The following UGT1A6 variants were observed in gnomAD, a reference collection of about 807,000 sequenced individuals.
The protein encoded by UGT1A6 is UDP-glucuronosyltransferase 1A6.
In UGT1A6, 32 loss-of-function variants were observed where a neutral mutation model predicts 44.4. The observed-to-expected ratio is 0.72, with a 90% confidence interval of 0.54 to 0.97. The LOEUF (loss-of-function observed/expected upper bound fraction) is 0.97, where lower values mean the gene tolerates loss of function less well. UGT1A6 is among the 50% of genes least tolerant of loss of function. The pLI is 0.00. For synonymous variants in UGT1A6, 238 were observed against 248.5 expected (o/e 0.96, Z 0.40); for missense variants, 685 against 661.9 (o/e 1.03, Z -0.38).
intron 4 of UGT1A6, chr2:233,770,359 G>A (rs1272591854): frequency 6.6e-6 from 1 of 152,118 alleles, no homozygotes; most frequent in Non-Finnish European, 1.5e-5. Context: ...TTGAATGAAT[G>A]AATGAAAGTT....
chr2:233,762,447 C>T (rs867092179), intron 1 of UGT1A6, among the ~76,000 whole-genome samples: 2 of 152,128 alleles, frequency 1.3e-5, no homozygotes, highest in Non-Finnish European at 2.9e-5. Context: ...TTCCCACTGC[C>T]CACTTACCGA....
chr2:233,697,866 T>G (rs2075414431), intron 1 of UGT1A6, among the ~76,000 whole-genome samples: 1 of 152,208 alleles, frequency 6.6e-6, no homozygotes, highest in Admixed American at 6.5e-5. Flanking sequence ...ATGCATTTAT[T>G]TAATGATTTC....
chr2:233,699,808 C>A (rs2075525104), intron 1 of UGT1A6, among the ~76,000 whole-genome samples: 1 of 152,210 alleles, frequency 6.6e-6, no homozygotes, highest in Admixed American at 6.5e-5. Flanking sequence ...CTGGAGTCAT[C>A]TAAATAGTAG....
chr2:233,730,673 A>G (rs1217219739), intron 1 of UGT1A6, among the ~76,000 whole-genome samples: 2 of 152,106 alleles, frequency 1.3e-5, no homozygotes, highest in South Asian at 2.1e-4. Flanking sequence ...AGGCAAAGTA[A>G]TGGTTGCATC....
intron 1 of UGT1A6, among the ~76,000 whole-genome samples, chr2:233,694,117 G>A (rs972121995): frequency 2.6e-5 from 4 of 152,152 alleles, no homozygotes; most frequent in African/African-American, 9.7e-5. Flanking sequence ...ATCTGGGACA[G>A]TCACATACTC....
chr2:233,761,152 G>A lies in UGT1A6; in HGVS notation c.862-5882G>A, dbSNP rs587776764. On this transcript the variant is annotated intron_variant, in intron 1 of 4. Transcript: ENST00000305139. Reference sequence around the variant, plus strand: ...CCTTCACCAAAATCCACTATCCCAGGTGTGTATTGGAGTGGGACTTTTACA... The same window carrying A: ...CCTTCACCAAAATCCACTATCCCAGATGTGTATTGGAGTGGGACTTTTACA... The A allele has an allele frequency of 1.2e-6, 2 of 1,614,084 alleles. No individual in the cohort carries two copies. Among genetic ancestry groups the A allele is most frequent in the South Asian group, 2.2e-5 (2 of 91,086 alleles).
At chr2:233,766,942 T>C (rs957269469) in intron 1 of UGT1A6, 92 bp from the exon 2 acceptor site, 13 of 1,596,398 alleles carry the variant, frequency 8.1e-6, no homozygotes, top group Non-Finnish European at 1.0e-5. Flanking sequence ...AATCATAGTC[T>C]TAAGAGGAAG....
At chr2:233,746,837 G>A (rs1378280242) in intron 1 of UGT1A6, among the ~76,000 whole-genome samples, 1 of 151,758 alleles carries the variant, frequency 6.6e-6, no homozygotes, top group African/African-American at 2.4e-5. Context: ...CACTGTTGGG[G>A]ACCTCTCAGA....
intron 1 of UGT1A6, among the ~76,000 whole-genome samples, chr2:233,733,067 T>A (rs1039618890): frequency 3.2e-4 from 48 of 152,298 alleles, no homozygotes; most frequent in Non-Finnish European, 4.6e-4. Flanking sequence ...ATTCTCTTTG[T>A]AGCAATTGTG....
At position 233,747,349 on chromosome 2, in the gene UGT1A6, A is replaced by C. The variant is rs546536456; in HGVS notation, c.862-19685A>C. ...TGGCAGCCACTGGCTCGCATGCGGG[A>C]GGCCGTGCGGGAGCTCCATGCCAGA... On this transcript the variant is annotated intron_variant, in intron 1 of 4. Transcript: ENST00000305139. The C allele has an allele frequency of 4.2e-5, 68 of 1,603,008 alleles. 1 individual carries two copies. The South Asian group carries it at 6.8e-4, about 16-fold the overall frequency.
intron 1 of UGT1A6, among the ~76,000 whole-genome samples, chr2:233,726,600 T>TACCCAG (rs1249219153): frequency 1.2e-4 from 18 of 152,200 alleles, no homozygotes; most frequent in African/African-American, 4.3e-4. Flanking sequence ...GCCCTTGTGA[T>TACCCAG]TACACTGTCC....
chr2:233,712,394 A>G (rs2013030), intron 1 of UGT1A6, among the ~76,000 whole-genome samples: 13,551 of 152,236 alleles, frequency 0.089, 758 homozygotes, highest in East Asian at 0.2. Flanking sequence ...GCCACTTCAG[A>G]GAGAGTCCTC....
At chr2:233,702,391 T>C (rs2075684338) in intron 1 of UGT1A6, among the ~76,000 whole-genome samples, 1 of 152,202 alleles carries the variant, frequency 6.6e-6, no homozygotes, top group South Asian at 2.1e-4. Context: ...ACATTCCAGA[T>C]CATGTTATCT....
At chr2:233,701,614 C>T (rs1194546253) in intron 1 of UGT1A6, among the ~76,000 whole-genome samples, 9 of 152,078 alleles carry the variant, frequency 5.9e-5, no homozygotes, top group East Asian at 1.9e-4. Flanking sequence ...CCTCAGCAAA[C>T]GTAAAAGAAC....
At chr2:233,709,223 G>C (rs546469798) in intron 1 of UGT1A6, among the ~76,000 whole-genome samples, 1 of 152,140 alleles carries the variant, frequency 6.6e-6, no homozygotes, top group Non-Finnish European at 1.5e-5. Flanking sequence ...TGAGAGTTTG[G>C]GGGAGGGGTG....
intron 1 of UGT1A6, chr2:233,754,915 G>A (rs747609109): frequency 3.0e-6 from 4 of 1,353,928 alleles, no homozygotes; most frequent in Admixed American, 1.9e-5. Context: ...ATATTCTCCA[G>A]CGGGTTTCCC....
chr2:233,767,766 C>T lies in UGT1A6; in HGVS notation c.994-83C>T, dbSNP rs28900402. The stretch of plus-strand genomic sequence containing the variant: ...TAAAGACTGTTCCTTCAGAGGACCC[C>T]TGTTTTCTAGTTAGTATAGCAGATT... On this transcript the variant is annotated intron_variant, in intron 2 of 4. Coordinates refer to ENST00000305139, the MANE Select transcript of UGT1A6 (RefSeq NM_001072.4). 4.7e-3 allele frequency: 7,536 copies of T among 1,609,198 alleles called. 310 individuals are homozygous for T. The African/African-American group carries it at 0.088, about 19-fold the overall frequency.
upstream of UGT1A6, chr2:233,692,449 C>T (rs45568235): frequency 0.021 from 3,275 of 156,680 alleles, 115 homozygotes; most frequent in African/African-American, 0.074. Flanking sequence ...ACCTGGGGAC[C>T]TACTACTTGC....
At chr2:233,717,873 G>C (rs1268919584) in intron 1 of UGT1A6, 1 of 454,864 alleles carries the variant, frequency 2.2e-6, no homozygotes, top group African/African-American at 2.0e-5. Context: ...TTGACTTGGA[G>C]AAAAGCCTGG....
Sources: gnomAD v4.1 joint callset for allele counts (sites outside exome capture counted in the v4.1 genomes callset) on GRCh38, gnomAD v4.1.1 for gene constraint, MANE v1.5 for transcripts, NCBI Gene and HGNC (gene_info 2026-07-23, HGNC 2026-07-21) for gene names.